Variants in MORN5 observed in about 807,000 individuals in gnomAD.
MORN5 encodes the protein MORN repeat-containing protein 5.
A neutral mutation model predicts 22.1 loss-of-function variants in MORN5; 21 were observed. That is an observed-to-expected ratio of 0.95 (90% CI 0.67 to 1.37). The LOEUF is 1.37. Ranked by LOEUF, MORN5 falls within the 40% of genes most tolerant of loss-of-function variation. The pLI, the probability that MORN5 is intolerant of heterozygous loss-of-function variation, is 0.00. For missense variants in MORN5, 211 were observed against 215.1 expected (o/e 0.98, Z 0.12); for synonymous variants, 73 against 74.0 (o/e 0.99, Z 0.07).
chr9:122,179,773 C>T (rs1383268876), intron 4 of MORN5, among the ~76,000 whole-genome samples: 1 of 152,150 alleles, frequency 6.6e-6, no homozygotes, highest in African/African-American at 2.4e-5. Context: ...CTCACCTCAC[C>T]CTGTGAGGGA....
chr9:122,199,805 G>A (rs568764253), intron 4 of MORN5, 80 bp from the exon 5 acceptor site: 60 of 1,422,710 alleles, frequency 4.2e-5, no homozygotes, highest in Middle Eastern at 1.8e-4. Context: ...CAGTCCCAAC[G>A]CCCCACCTGG....
At position 122,174,599 on chromosome 9, in the gene MORN5, C is replaced by CTA; in HGVS notation, c.414_415dup (p.Arg139IlefsTer6). 5 of 1,614,086 alleles carry CTA rather than the reference C, an allele frequency of 3.1e-6. No individual in the cohort carries two copies. The highest frequency in any genetic ancestry group is 4.2e-6 in the Non-Finnish European group (5 of 1,180,016). On this transcript the variant is annotated frameshift_variant, in exon 4 of 5. Transcript: ENST00000373764. LOFTEE classifies it high-confidence loss of function. The stretch of plus-strand genomic sequence containing the variant: ...ACCCAGTCACGAGGGTAGTCAAGGA[C>CTA]TATAGGAACCGCTTTCTAAGAAACG...
intron 4 of MORN5, among the ~76,000 whole-genome samples, chr9:122,198,622 C>T (rs1409132819): frequency 2.6e-5 from 4 of 152,128 alleles, no homozygotes; most frequent in Admixed American, 6.5e-5. Flanking sequence ...GAGCAGGACT[C>T]GTTGACCCTC....
At chr9:122,160,118 C>A in intron 1 of MORN5, 99 bp downstream of exon 1, 1 of 1,104,998 alleles carries the variant, frequency 9.0e-7, no homozygotes. Flanking sequence ...CAGGCACTTT[C>A]ACAAACTTGC....
chr9:122,186,617 C>T (rs1427962272), intron 4 of MORN5, among the ~76,000 whole-genome samples: 1 of 152,128 alleles, frequency 6.6e-6, no homozygotes, highest in Non-Finnish European at 1.5e-5. Context: ...CACCCCAGTT[C>T]CAAAGGCCCT....
At chr9:122,174,812 T>C in intron 4 of MORN5, 185 bp downstream of exon 4, 2 of 1,442,174 alleles carry the variant, frequency 1.4e-6, no homozygotes, top group East Asian at 5.4e-5. Context: ...TACATAGTCC[T>C]AGAGTGAGGT....
intron 4 of MORN5, among the ~76,000 whole-genome samples, chr9:122,183,939 C>A (rs768053605): frequency 2.0e-5 from 3 of 152,114 alleles, no homozygotes; most frequent in Non-Finnish European, 4.4e-5. Flanking sequence ...AAACCACAAG[C>A]CTCATTTGAA....
intron 4 of MORN5, among the ~76,000 whole-genome samples, chr9:122,196,812 C>CT (rs1430679273): frequency 6.6e-6 from 1 of 152,100 alleles, no homozygotes; most frequent in East Asian, 1.9e-4. Context: ...ACTATGTGTA[C>CT]TTTTATTTCT....
At chr9:122,170,119 G>T (rs1404465050) in intron 3 of MORN5, among the ~76,000 whole-genome samples, 1 of 152,116 alleles carries the variant, frequency 6.6e-6, no homozygotes, top group Non-Finnish European at 1.5e-5. Context: ...CCAACATGGT[G>T]AAACCCCGTC....
intron 2 of MORN5, among the ~76,000 whole-genome samples, chr9:122,168,007 C>A (rs1040005710): frequency 2.6e-5 from 4 of 152,186 alleles, no homozygotes; most frequent in Admixed American, 1.3e-4. Context: ...CTCATAGGAA[C>A]CTTGCAATCA....
intron 2 of MORN5, among the ~76,000 whole-genome samples, chr9:122,168,871 G>A (rs1829325712): frequency 6.6e-6 from 1 of 152,130 alleles, no homozygotes; most frequent in East Asian, 1.9e-4. Flanking sequence ...GATTATGGAG[G>A]CTAAGAAGCC....
At chr9:122,196,621 G>T (rs1389512959) in intron 4 of MORN5, among the ~76,000 whole-genome samples, 1 of 152,160 alleles carries the variant, frequency 6.6e-6, no homozygotes, top group South Asian at 2.1e-4. Context: ...GTAAGCCACC[G>T]CGCCCGGCAA....
At chr9:122,182,869 T>G (rs1351837580) in intron 4 of MORN5, among the ~76,000 whole-genome samples, 1 of 152,242 alleles carries the variant, frequency 6.6e-6, no homozygotes, top group South Asian at 2.1e-4. Flanking sequence ...GGTTAAAAAC[T>G]TGCTCGTGTC....
intron 1 of MORN5, among the ~76,000 whole-genome samples, chr9:122,161,043 G>A (rs1487361076): frequency 6.6e-6 from 1 of 152,240 alleles, no homozygotes; most frequent in Non-Finnish European, 1.5e-5. Context: ...GAGAAGCAGA[G>A]GAAACACAGA....
intron 3 of MORN5, 111 bp from the exon 4 acceptor site, chr9:122,174,385 C>A: frequency 7.8e-7 from 1 of 1,278,190 alleles, no homozygotes; most frequent in Non-Finnish European, 1.1e-6. Flanking sequence ...TTTAGTTCAA[C>A]AGGGGAGCCA....
chr9:122,169,939 C>T (rs1367892075), intron 3 of MORN5, among the ~76,000 whole-genome samples, 183 bp downstream of exon 3: 1 of 152,246 alleles, frequency 6.6e-6, no homozygotes, highest in Non-Finnish European at 1.5e-5. Context: ...CTCAGCTCCA[C>T]TGTGCTAGCC....
intron 3 of MORN5, among the ~76,000 whole-genome samples, chr9:122,171,464 G>GC (rs1216797657): frequency 6.6e-6 from 1 of 151,938 alleles, no homozygotes; most frequent in East Asian, 1.9e-4. Flanking sequence ...GGGCTCTCTG[G>GC]CTTAGGCATT....
Position 122,200,029 on chromosome 9 carries a change from G to T in MORN5, c.*98G>T. The T allele has an allele frequency of 8.3e-7, 1 of 1,202,068 alleles. No homozygotes were observed. Among genetic ancestry groups the T allele is most frequent in the Non-Finnish European group, 1.2e-6 (1 of 808,102 alleles). The allele number at this position is 1,202,068 out of a possible 1,614,324, so 74.5% of individuals were successfully genotyped here. ...ACTAGCATTGGCTGCCCTGGGGGACGGGCTGTAGTTCTAGAACCTGATTTT... is the reference window on the plus strand; with the variant it reads ...ACTAGCATTGGCTGCCCTGGGGGACTGGCTGTAGTTCTAGAACCTGATTTT... On this transcript the variant is annotated 3_prime_UTR_variant, in exon 5 of 5. Coordinates refer to ENST00000373764, the MANE Select transcript of MORN5 (RefSeq NM_198469.4).
chr9:122,175,625 C>T, intron 4 of MORN5: 1 of 985,116 alleles, frequency 1.0e-6, no homozygotes, highest in Non-Finnish European at 1.2e-6. Flanking sequence ...CATACACACA[C>T]ACATTTTGCA....
Sources: gnomAD v4.1 joint callset for allele counts (sites outside exome capture counted in the v4.1 genomes callset) on GRCh38, gnomAD v4.1.1 for gene constraint, MANE v1.5 for transcripts, NCBI Gene and HGNC (gene_info 2026-07-23, HGNC 2026-07-21) for gene names.